The following DPF3 variants were observed in gnomAD, a reference collection of about 807,000 sequenced individuals.
DPF3 encodes the protein zinc finger protein DPF3.
Under a neutral mutation model 56.8 loss-of-function variants are expected in DPF3, and 18 were observed. The ratio of observed to expected loss-of-function variants is 0.32; its 90% CI spans 0.22 to 0.47. DPF3 has a LOEUF of 0.47. Among genes scored for constraint, DPF3 ranks in the 20% least tolerant of loss-of-function variants. The probability of loss-of-function intolerance (pLI) is 1.00; values close to 1 mark genes in which losing one functional copy is unlikely to be tolerated. For missense variants in DPF3, 403 were observed against 488.8 expected (o/e 0.82, Z 1.65); for synonymous variants, 188 against 180.2 (o/e 1.04, Z -0.35).
At chr14:72,732,631 G>A (rs1025153273) in intron 3 of DPF3, among the ~76,000 whole-genome samples, 1 of 152,122 alleles carries the variant, frequency 6.6e-6, no homozygotes, top group African/African-American at 2.4e-5. Flanking sequence ...CTTTTTTTCT[G>A]AAGGTATCAG....
Position 72,788,535 on chromosome 14 carries a change from T to C in DPF3, c.33-16642A>G, listed in dbSNP as rs117506417. Among the ~76,000 whole-genome samples the C allele has an allele frequency of 6.0e-3, 911 of 152,282 alleles. 3 individuals carry two copies. The highest frequency in any genetic ancestry group is 0.01 in the Non-Finnish European group (708 of 68,022). Reference sequence around the variant, plus strand: ...GAGGACAGATTATCTGGGGAATTTATGCTCTCTAATAATTACCTTGCAGAG... The same window carrying C: ...GAGGACAGATTATCTGGGGAATTTACGCTCTCTAATAATTACCTTGCAGAG... On this transcript the variant is annotated intron_variant, in intron 1 of 10. Transcript: ENST00000556509.
intron 6 of DPF3, among the ~76,000 whole-genome samples, chr14:72,705,050 T>A (rs1888346164): frequency 6.6e-6 from 1 of 152,170 alleles, no homozygotes; most frequent in Non-Finnish European, 1.5e-5. Flanking sequence ...GGCCAACCTC[T>A]AAGCCAGGGG....
chr14:72,706,978 C>A (rs550457171), intron 6 of DPF3, among the ~76,000 whole-genome samples: 42 of 152,154 alleles, frequency 2.8e-4, no homozygotes, highest in African/African-American at 8.9e-4. Context: ...CCTACCCCCT[C>A]CCCCAACCCC....
rs141468966 is a variant in DPF3 at position 72,711,847 on chromosome 14, C to T, written c.604+2576G>A. Among the ~76,000 whole-genome samples the T allele has an allele frequency of 3.0e-3, 456 of 152,030 alleles. 1 individual carries two copies. The highest frequency in any genetic ancestry group is 4.8e-3 in the Non-Finnish European group (325 of 67,960). On this transcript the variant is annotated intron_variant, in intron 6 of 10. Transcript: ENST00000556509. The stretch of plus-strand genomic sequence containing the variant: ...TATGGTAACACCATCCCTAGGGACG[C>T]TCGAGGAGGTGGCCAGACACCTCTC...
In DPF3 at chr14:72,609,432, A is replaced by G. The variant is rs984113747; in HGVS notation, c.*9865T>C. Among the ~76,000 whole-genome samples, 1 of 152,204 alleles carries G rather than the reference A, an allele frequency of 6.6e-6. No individual in the cohort carries two copies. Among genetic ancestry groups the G allele is most frequent in the Non-Finnish European group, 1.5e-5 (1 of 68,044 alleles). ...TCTGTAGGTTCTCCTGGAGATTGTC[A>G]CAATCTGCCAGCTCTCTGGGAATCA... is the stretch of plus-strand genomic sequence containing the variant. On this transcript the variant is annotated 3_prime_UTR_variant, in exon 11 of 11. Transcript: ENST00000556509.
chr14:72,652,807 C>T (rs1254287936), intron 8 of DPF3, among the ~76,000 whole-genome samples: 2 of 152,150 alleles, frequency 1.3e-5, no homozygotes, highest in Non-Finnish European at 2.9e-5. Context: ...ATAAATATTA[C>T]AATCTGAAGG....
At chr14:72,639,814 G>A (rs1373623184) in intron 8 of DPF3, among the ~76,000 whole-genome samples, 2 of 152,068 alleles carry the variant, frequency 1.3e-5, no homozygotes, top group African/African-American at 4.8e-5. Context: ...AGTGTTTGTT[G>A]TTTTAAGCTG....
chr14:72,867,577 T>G (rs1885724097), intron 1 of DPF3, among the ~76,000 whole-genome samples: 1 of 152,118 alleles, frequency 6.6e-6, no homozygotes, highest in African/African-American at 2.4e-5. Flanking sequence ...GGTGTTTCAT[T>G]CAATAGACAT....
chr14:72,735,010 G>T (rs995471376), intron 3 of DPF3, among the ~76,000 whole-genome samples: 1 of 152,174 alleles, frequency 6.6e-6, no homozygotes, highest in African/African-American at 2.4e-5. Context: ...GCAGCTTATA[G>T]AGGTTGAGAA....
intron 3 of DPF3, among the ~76,000 whole-genome samples, chr14:72,743,513 C>T (rs77484104): frequency 1.3e-5 from 2 of 150,952 alleles, no homozygotes; most frequent in East Asian, 3.9e-4. Flanking sequence ...TTGAAAGATG[C>T]TAAATTGATC....
chr14:72,610,822 T>A lies in DPF3; in HGVS notation c.*8475A>T, dbSNP rs1210703435. Among the ~76,000 whole-genome samples the A allele has an allele frequency of 6.6e-6, 1 of 152,164 alleles. No individual in the cohort carries two copies. Among genetic ancestry groups the A allele is most frequent in the Non-Finnish European group, 1.5e-5 (1 of 68,016 alleles). On this transcript the variant is annotated 3_prime_UTR_variant, in exon 11 of 11. Transcript: ENST00000556509. ...GGCTCAGGGCCCACCACTGGCTGCCTGGGGGAAGTGCTGCCAGTCTGGTGT... is the reference window on the plus strand; with the variant it reads ...GGCTCAGGGCCCACCACTGGCTGCCAGGGGGAAGTGCTGCCAGTCTGGTGT...
chr14:72,634,054 G>T (rs1885308991), intron 8 of DPF3, among the ~76,000 whole-genome samples: 1 of 152,156 alleles, frequency 6.6e-6, no homozygotes, highest in Non-Finnish European at 1.5e-5. Flanking sequence ...AGGGAGCTAA[G>T]TTCACACAGC....
At chr14:72,770,115 A>G (rs1352227513) in intron 2 of DPF3, among the ~76,000 whole-genome samples, 1 of 152,248 alleles carries the variant, frequency 6.6e-6, no homozygotes, top group African/African-American at 2.4e-5. Context: ...TAACATCAGT[A>G]AAAGAGGTAA....
intron 1 of DPF3, among the ~76,000 whole-genome samples, chr14:72,885,125 CA>C (rs1388180006): frequency 4.6e-4 from 54 of 117,934 alleles, no homozygotes; most frequent in Admixed American, 1.3e-3. Flanking sequence ...GACTCCGTCT[CA>C]AAAAAAAAAA....
At chr14:72,723,512 T>G in intron 5 of DPF3, 121 bp downstream of exon 5, 1 of 874,056 alleles carries the variant, frequency 1.1e-6, no homozygotes, top group Middle Eastern at 2.3e-4. Context: ...TTTTCTCCTT[T>G]GAGCGTTCTC....
chr14:72,715,194 C>T (rs769690093), intron 5 of DPF3, among the ~76,000 whole-genome samples: 5 of 152,196 alleles, frequency 3.3e-5, no homozygotes, highest in Non-Finnish European at 7.3e-5. Context: ...ACCTTGACCC[C>T]CATGGTCTCC....
At chr14:72,638,055 G>A (rs1885436076) in intron 8 of DPF3, among the ~76,000 whole-genome samples, 1 of 152,220 alleles carries the variant, frequency 6.6e-6, no homozygotes, top group Non-Finnish European at 1.5e-5. Context: ...CTTGGGTAAG[G>A]TTCCATCGAT....
chr14:72,623,984 T>C (rs1477443364), intron 9 of DPF3, among the ~76,000 whole-genome samples: 1 of 152,206 alleles, frequency 6.6e-6, no homozygotes, highest in Non-Finnish European at 1.5e-5. Flanking sequence ...GGATCCAACC[T>C]GAATATGTTA....
intron 8 of DPF3, among the ~76,000 whole-genome samples, chr14:72,657,938 C>G (rs1039114302): frequency 6.6e-6 from 1 of 152,102 alleles, no homozygotes; most frequent in African/African-American, 2.4e-5. Context: ...TTCAGAATAA[C>G]CTCCTCTCCA....
Sources: allele counts gnomAD v4.1 joint callset (sites outside exome capture counted in the v4.1 genomes callset), GRCh38; gene constraint gnomAD v4.1.1; transcripts MANE v1.5; gene names NCBI Gene and HGNC (gene_info 2026-07-23, HGNC 2026-07-21).